The following GRAMD4 variants were observed in gnomAD, a reference collection of about 807,000 sequenced individuals.
The protein encoded by GRAMD4 is GRAM domain-containing protein 4.
A neutral mutation model predicts 83.9 loss-of-function variants in GRAMD4; 25 were observed. The observed-to-expected ratio is 0.30, with a 90% CI of 0.22 to 0.42. The LOEUF is 0.42. GRAMD4 is among the 10% of genes least tolerant of loss of function. The pLI is 1.00. For synonymous variants in GRAMD4, 336 were observed against 320.9 expected (o/e 1.05, Z -0.50); for missense variants, 593 against 788.7 (o/e 0.75, Z 2.97).
At chr22:46,623,070 C>T (rs999202763) in intron 1 of GRAMD4, among the ~76,000 whole-genome samples, 1 of 152,154 alleles carries the variant, frequency 6.6e-6, no homozygotes, top group Non-Finnish European at 1.5e-5. Flanking sequence ...ATACTCCCGA[C>T]GTCTGGCCCC....
At chr22:46,599,519 G>A (rs2081292655) in intron 1 of GRAMD4, among the ~76,000 whole-genome samples, 2 of 151,970 alleles carry the variant, frequency 1.3e-5, no homozygotes, top group African/African-American at 4.8e-5. Context: ...TAGAGATGGA[G>A]TTTCACCCTC....
chr22:46,665,737 A>T (rs1229164590), intron 9 of GRAMD4, 31 bp downstream of exon 9: 10 of 1,117,636 alleles, frequency 8.9e-6, no homozygotes, highest in Non-Finnish European at 1.4e-5. Context: ...CAGCTGCTTT[A>T]TCCCACCGCA....
In GRAMD4 at chr22:46,678,213, C is replaced by T. The variant is rs931449836; in HGVS notation, c.*962C>T. The T allele has an allele frequency of 2.6e-5, 26 of 985,132 alleles. No individual in the cohort carries two copies. The highest frequency in any genetic ancestry group is 3.5e-5 in the African/African-American group (2 of 57,218). The allele number at this position is 985,132 out of a possible 1,614,324, so 61.0% of individuals were successfully genotyped here. On this transcript the variant is annotated 3_prime_UTR_variant, in exon 19 of 19. Transcript: ENST00000406902. ...GGGGAGGAAGTGGGGAGGAGTGTTC[C>T]GGGACCATGGTGGCCCAGGCTGCAG...
chr22:46,590,609 G>A (rs1379903261), intron 1 of GRAMD4, among the ~76,000 whole-genome samples: 2 of 152,354 alleles, frequency 1.3e-5, no homozygotes, highest in African/African-American at 2.4e-5. Context: ...GGAGAAACCC[G>A]GGCTGGGCCC....
chr22:46,594,175 C>T (rs1049075801), intron 1 of GRAMD4, among the ~76,000 whole-genome samples: 39 of 151,820 alleles, frequency 2.6e-4, no homozygotes, highest in African/African-American at 7.2e-4. Flanking sequence ...AGCTGCCCCA[C>T]GCCCGGCTCC....
chr22:46,615,459 G>A (rs1359770967), upstream of GRAMD4, among the ~76,000 whole-genome samples: 19 of 144,766 alleles, frequency 1.3e-4, no homozygotes, highest in Admixed American at 1.0e-3. Flanking sequence ...CGGTTTCCCC[G>A]TGTGTAGGTT....
chr22:46,622,308 C>G lies in GRAMD4; in HGVS notation c.-50+1743C>G, dbSNP rs1370236370. The stretch of plus-strand genomic sequence containing the variant: ...TCCTTGGGTGGAGGCCAGCTCGGTG[C>G]CCTACACAGGGCCTGCAGGCCCCAG... On this transcript the variant is annotated intron_variant, in intron 1 of 18. Transcript: ENST00000406902. This position sits in a 1 kb window ranked among gnomAD's most constrained non-coding sequence, Gnocchi z 4.0. Among the ~76,000 whole-genome samples the G allele has an allele frequency of 2.0e-5, 3 of 152,160 alleles. No homozygotes were observed. Among genetic ancestry groups the G allele is most frequent in the African/African-American group, 7.2e-5 (3 of 41,420 alleles).
chr22:46,590,384 C>T (rs979343352), intron 1 of GRAMD4, among the ~76,000 whole-genome samples: 6 of 152,188 alleles, frequency 3.9e-5, no homozygotes, highest in African/African-American at 1.4e-4. Context: ...CCAGCCAGTC[C>T]TTGGCAGAGA....
At chr22:46,586,567 G>C (rs1435955761) in intron 1 of GRAMD4, among the ~76,000 whole-genome samples, 1 of 152,138 alleles carries the variant, frequency 6.6e-6, no homozygotes, top group African/African-American at 2.4e-5. Context: ...GGTCATGGGA[G>C]GGCCTAGCCC....
At chr22:46,599,170 G>A (rs1472325342) in intron 1 of GRAMD4, among the ~76,000 whole-genome samples, 3 of 152,110 alleles carry the variant, frequency 2.0e-5, no homozygotes, top group Non-Finnish European at 4.4e-5. Flanking sequence ...GGGACCACTG[G>A]GGGTCAGATA....
At chr22:46,624,837 G>A (rs1215923360) in intron 1 of GRAMD4, among the ~76,000 whole-genome samples, 2 of 150,408 alleles carry the variant, frequency 1.3e-5, no homozygotes, top group African/African-American at 2.4e-5. Flanking sequence ...ACAGCTCCCC[G>A]TAGAGCCTGT....
chr22:46,588,309 T>C (rs1307042622), intron 1 of GRAMD4, among the ~76,000 whole-genome samples: 2 of 152,106 alleles, frequency 1.3e-5, no homozygotes, highest in Admixed American at 1.3e-4. Context: ...AGAGCTGAGG[T>C]CAGCACACCT....
intron 1 of GRAMD4, among the ~76,000 whole-genome samples, chr22:46,625,119 C>T (rs1260265772): frequency 1.3e-5 from 2 of 152,136 alleles, no homozygotes; most frequent in Non-Finnish European, 2.9e-5. Context: ...CTCGGCCTCC[C>T]AAAGTGCTGG....
intron 4 of GRAMD4, among the ~76,000 whole-genome samples, chr22:46,658,954 G>A (rs1390225200): frequency 6.6e-6 from 1 of 152,032 alleles, no homozygotes; most frequent in Non-Finnish European, 1.5e-5. Context: ...CCCTCACCCT[G>A]CCCTGCGCCT....
intron 1 of GRAMD4, among the ~76,000 whole-genome samples, chr22:46,585,239 G>A (rs968821478): frequency 1.3e-5 from 2 of 151,138 alleles, no homozygotes; most frequent in African/African-American, 4.9e-5. Context: ...TGCCCAGGCT[G>A]GAGTGCAATG....
At chr22:46,657,143 C>T (rs1284316990) in intron 3 of GRAMD4, among the ~76,000 whole-genome samples, 1 of 152,230 alleles carries the variant, frequency 6.6e-6, no homozygotes, top group Non-Finnish European at 1.5e-5. Context: ...CAGGGGACAC[C>T]ACACAGAGGA....
At chr22:46,583,368 A>G (rs2081116620) in intron 1 of GRAMD4, among the ~76,000 whole-genome samples, 1 of 152,216 alleles carries the variant, frequency 6.6e-6, no homozygotes, top group Non-Finnish European at 1.5e-5. Flanking sequence ...CAATCCATGG[A>G]CTAATATTGA....
intron 3 of GRAMD4, among the ~76,000 whole-genome samples, chr22:46,652,376 GCAGAAGGAAC>G (rs2082179197): frequency 6.6e-6 from 1 of 152,188 alleles, no homozygotes; most frequent in Non-Finnish European, 1.5e-5. Flanking sequence ...CCCGGAGCCT[GCAGAAGGAAC>G]AGCCCTGCCC....
At chr22:46,605,801 G>T (rs2081360136) in intron 1 of GRAMD4, among the ~76,000 whole-genome samples, 1 of 146,508 alleles carries the variant, frequency 6.8e-6, no homozygotes, top group Non-Finnish European at 1.5e-5. Context: ...TATGGCCGGT[G>T]CTGAGCATCT....
Sources: allele counts gnomAD v4.1 joint callset (sites outside exome capture counted in the v4.1 genomes callset), GRCh38; gene constraint gnomAD v4.1.1; non-coding constraint Gnocchi (gnomAD v3.1); transcripts MANE v1.5; gene names NCBI Gene and HGNC (gene_info 2026-07-23, HGNC 2026-07-21).